The following PDRG1 variants were observed in gnomAD, a reference collection of about 807,000 sequenced individuals.
PDRG1 encodes the protein p53 and DNA damage-regulated protein 1.
Under a neutral mutation model 18.4 loss-of-function variants are expected in PDRG1, and 14 were observed. The ratio of observed to expected loss-of-function variants is 0.76; its 90% confidence interval spans 0.50 to 1.19. The LOEUF (loss-of-function observed/expected upper bound fraction) is 1.19, where lower values mean the gene tolerates loss of function less well. PDRG1 is among the 50% of genes most tolerant of loss of function. The pLI is 0.00. For synonymous variants in PDRG1, 65 were observed against 60.9 expected (o/e 1.07, Z -0.31); for missense variants, 177 against 160.1 (o/e 1.11, Z -0.57).
In PDRG1 at chr20:31,952,046, T is replaced by A. The variant is rs958361530; in HGVS notation, c.-85A>T. 2.7e-6 allele frequency: 4 copies of A among 1,455,956 alleles called. No homozygotes were observed. The highest frequency in any genetic ancestry group is 3.6e-6 in the Non-Finnish European group (4 of 1,105,184). The allele number at this position is 1,455,956 out of a possible 1,614,324, so 90.2% of individuals were successfully genotyped here. A position where few individuals can be genotyped will look rare whatever the true frequency, so the allele number is the denominator to read the frequency against. ...CGCTGCGCACGCGCCGCTCTCTAGG[T>A]GCTTCCGGCGCGCCTGCGCAGTTAA... On this transcript the variant is annotated 5_prime_UTR_variant, in exon 1 of 5. Coordinates refer to ENST00000202017, the MANE Select transcript of PDRG1 (RefSeq NM_030815.3).
chr20:31,950,341 C>G lies in PDRG1; in HGVS notation c.134G>C (p.Arg45Thr). ...TKRNQNREGL[R>T]ALQKDLSLSE... Reference sequence around the variant, plus strand: ...GAGGCTGAGATCCTTCTGCAGGGCCCTCAGGCCCTCTCGATTCTGATTCCT... The same window carrying G: ...GAGGCTGAGATCCTTCTGCAGGGCCGTCAGGCCCTCTCGATTCTGATTCCT... The change falls in exon 2 of 5, where the codon AGG becomes ACG. Residue 45 changes from arginine (R) to threonine (T), a missense_variant. By Grantham distance (71) the Arg-to-Thr change is moderately conservative. Coordinates refer to ENST00000202017, the MANE Select transcript of PDRG1 (RefSeq NM_030815.3). The G allele has an allele frequency of 1.9e-6, 3 of 1,612,776 alleles. No individual in the cohort carries two copies. Among genetic ancestry groups the G allele is most frequent in the Non-Finnish European group, 2.5e-6 (3 of 1,178,730 alleles).
rs996243241 is a variant in PDRG1, at chr20:31,944,497, C to G, written c.*1310G>C. On this transcript the variant is annotated 3_prime_UTR_variant, in exon 5 of 5. Transcript: ENST00000202017. ...CAGGTGCTGTTCTGAGGGAATCACACTGTGCTTGCACAAAAATTATTAGCT... is the reference window on the plus strand; with the variant it reads ...CAGGTGCTGTTCTGAGGGAATCACAGTGTGCTTGCACAAAAATTATTAGCT... 6.6e-6 allele frequency: 1 copy of G among 152,518 alleles called. No individual in the cohort carries two copies. Among genetic ancestry groups the G allele is most frequent in the Non-Finnish European group, 1.5e-5 (1 of 68,248 alleles). The allele number at this position is 152,518 out of a possible 1,614,324, so 9.4% of individuals were successfully genotyped here. A position where few individuals can be genotyped will look rare whatever the true frequency, so the allele number is the denominator to read the frequency against.
intron 1 of PDRG1, among the ~76,000 whole-genome samples, chr20:31,951,131 C>A (rs566334116): frequency 1.3e-5 from 2 of 152,280 alleles, no homozygotes; most frequent in African/African-American, 4.8e-5. Context: ...GGATCTTGCC[C>A]AAGTTTTCCC....
Position 31,948,872 on chromosome 20 carries a change from C to G in PDRG1, c.174G>C (p.Met58Ile). 1.2e-6 allele frequency: 2 copies of G among 1,613,688 alleles called. No homozygotes were observed. Among genetic ancestry groups the G allele is most frequent in the Non-Finnish European group, 1.7e-6 (2 of 1,179,836 alleles). Residue 58 changes from methionine to isoleucine, a missense_variant, in exon 3 of 5, where the codon ATG (methionine) becomes ATC (isoleucine). Met to Ile is a conservative substitution (Grantham distance 10). Coordinates refer to ENST00000202017, the MANE Select transcript of PDRG1 (RefSeq NM_030815.3). ...QKDLSLSEDVMVCFGNMFIKM... is the reference protein window; with the variant it reads ...QKDLSLSEDVIVCFGNMFIKM... The stretch of plus-strand genomic sequence containing the variant: ...TGATAAACATGTTCCCGAAGCAAAC[C>G]ATCACATCTTCTGAAAGAGCAAATA...
Position 31,945,781 on chromosome 20 carries a change from T to C in PDRG1, c.*26A>G. ...GTCCTCCATGACCCTGGGGGGTTGCTGGTCCCCCATCTTGGTTCTTGAGTC... is the reference window on the plus strand; with the variant it reads ...GTCCTCCATGACCCTGGGGGGTTGCCGGTCCCCCATCTTGGTTCTTGAGTC... On this transcript the variant is annotated 3_prime_UTR_variant, in exon 5 of 5. Coordinates refer to ENST00000202017, the MANE Select transcript of PDRG1 (RefSeq NM_030815.3). 6.3e-7 allele frequency: 1 copy of C among 1,593,972 alleles called. No individual in the cohort carries two copies. Among genetic ancestry groups the C allele is most frequent in the Non-Finnish European group, 8.6e-7 (1 of 1,162,252 alleles).
At chr20:31,948,265 G>C (rs926008112) in intron 3 of PDRG1, among the ~76,000 whole-genome samples, 1 of 152,230 alleles carries the variant, frequency 6.6e-6, no homozygotes. Context: ...TGGCCAATGA[G>C]ATGTTGGCAG....
chr20:31,945,967 T>C, intron 4 of PDRG1, 78 bp from the exon 5 acceptor site: 1 of 1,199,310 alleles, frequency 8.3e-7, no homozygotes. Context: ...GGGCTGACGC[T>C]GCACTAATGC....
chr20:31,945,945 G>C (rs921989168), intron 4 of PDRG1, 56 bp from the exon 5 acceptor site: 2 of 1,483,694 alleles, frequency 1.3e-6, no homozygotes, highest in Non-Finnish European at 1.9e-6. Flanking sequence ...TCTGGAGCCA[G>C]GCCCAGGAAA....
rs1292127188 is a variant in PDRG1 at position 31,944,597 on chromosome 20, T to G, written c.*1210A>C. 6.6e-6 allele frequency: 1 copy of G among 152,232 alleles called. No individual in the cohort carries two copies. The highest frequency in any genetic ancestry group is 1.5e-5 in the Non-Finnish European group (1 of 68,066). The allele number at this position is 152,232 out of a possible 1,614,324, so 9.4% of individuals were successfully genotyped here. On this transcript the variant is annotated 3_prime_UTR_variant, in exon 5 of 5. Transcript: ENST00000202017. ...GCTTGTTCCTTATTCTTGATTATAG[T>G]TGTATGGTATTGCACTATCTGGAGC...
chr20:31,946,611 T>G, intron 3 of PDRG1, 35 bp from the exon 4 acceptor site: 1 of 1,555,870 alleles, frequency 6.4e-7, no homozygotes, highest in South Asian at 1.1e-5. Context: ...GAGGATAAGA[T>G]TGTACCAGAC....
At position 31,946,504 on chromosome 20, in the gene PDRG1, T is replaced by C. The variant is rs1276193585; in HGVS notation, c.311A>G (p.Glu104Gly). The change falls in exon 4 of 5, where the codon GAG (glutamate) becomes GGG (glycine). Residue 104 changes from glutamate (E) to glycine (G), a missense_variant. Physicochemically the swap from Glu to Gly is moderately conservative, Grantham distance 98 (BLOSUM62 -2). Transcript: ENST00000202017. ...QLKVKVNRLF[E>G]AQGKPELKGF... ...CCCTGCTAAGCCAATACCTTGGGCC[T>C]CAAAAAGGCGGTTGACCTTCACTTT... 1 of 1,608,750 alleles carries C rather than the reference T, an allele frequency of 6.2e-7. No individual in the cohort carries two copies.
chr20:31,944,513 A>G lies in PDRG1; in HGVS notation c.*1294T>C, dbSNP rs1173960859. 2 of 152,358 alleles carry G rather than the reference A, an allele frequency of 1.3e-5. No homozygotes were observed. Among genetic ancestry groups the G allele is most frequent in the Non-Finnish European group, 2.9e-5 (2 of 68,180 alleles). 9.4% of individuals were successfully genotyped at this position (152,358 alleles called of 1,614,324 possible). ...GGAATCACACTGTGCTTGCACAAAA[A>G]TTATTAGCTTATAAGACACCAGCCT... On this transcript the variant is annotated 3_prime_UTR_variant, in exon 5 of 5. Transcript: ENST00000202017.
At chr20:31,951,610 T>C (rs909341815) in intron 1 of PDRG1, among the ~76,000 whole-genome samples, 29 of 129,574 alleles carry the variant, frequency 2.2e-4, no homozygotes, top group Non-Finnish European at 3.7e-4. Flanking sequence ...GGCCGGGAAG[T>C]GCATTTTGAA....
In PDRG1 at chr20:31,945,712, G is replaced by T; in HGVS notation, c.*95C>A. The T allele has an allele frequency of 6.0e-6, 6 of 1,001,390 alleles. No homozygotes were observed. In the South Asian group the frequency reaches 7.5e-5, roughly 13 times the overall value. 62.0% of individuals were successfully genotyped at this position (1,001,390 alleles called of 1,614,324 possible). A position where few individuals can be genotyped will look rare whatever the true frequency, so the allele number is the denominator to read the frequency against. On this transcript the variant is annotated 3_prime_UTR_variant, in exon 5 of 5. Transcript: ENST00000202017. ...GATTCCTGACGGCTGGCCCCTTACA[G>T]GGCAGATCCTGTCCTTACAGGTGTC...
Position 31,948,870 on chromosome 20 carries a change from ACCATCACATCTTCTG to A in PDRG1, c.164-3_175del. 1 of 1,613,796 alleles carries A rather than the reference ACCATCACATCTTCTG, an allele frequency of 6.2e-7. No individual in the cohort carries two copies. Among genetic ancestry groups the A allele is most frequent in the South Asian group, 1.1e-5 (1 of 90,966 alleles). On this transcript the variant is annotated splice_acceptor_variant and splice_polypyrimidine_tract_variant and coding_sequence_variant and intron_variant, in exon 3 of 5. Transcript: ENST00000202017. LOFTEE classifies it high-confidence loss of function. ...CTTGATAAACATGTTCCCGAAGCAA[ACCATCACATCTTCTG>A]AAAGAGCAAATAGTAATTCCTTCAA...
At position 31,951,079 on chromosome 20, in the gene PDRG1, T is replaced by C. The variant is rs137978275; in HGVS notation, c.88-692A>G. On this transcript the variant is annotated intron_variant, in intron 1 of 4. Transcript: ENST00000202017. ...GTAGCTGATAAACTTTAACTGCTCT[T>C]ATTCTCATCCAGCACACCCTGATCC... 1.4e-3 allele frequency among the ~76,000 whole-genome samples: 216 copies of C among 152,350 alleles called. 2 individuals are homozygous for C. In the East Asian group the frequency reaches 0.04, roughly 28 times the overall value.
At position 31,945,828 on chromosome 20, in the gene PDRG1, G is replaced by A; in HGVS notation, c.381C>T (p.Leu127=). 6.2e-7 allele frequency: 1 copy of A among 1,613,918 alleles called. No homozygotes were observed. The highest frequency in any genetic ancestry group is 8.5e-7 in the Non-Finnish European group (1 of 1,179,906). ...AGTCTCATCCTTTCAAGATGACCTTGAGAGCTTTAAGCTCATCCTGGTTGA... is the reference window on the plus strand; with the variant it reads ...AGTCTCATCCTTTCAAGATGACCTTAAGAGCTTTAAGCTCATCCTGGTTGA... ...NPLNQDELKA[L]KVILKG is the part of the protein sequence containing the mutation. Residue 127 remains leucine (L), a synonymous_variant, in exon 5 of 5, where the codon CTC becomes CTT. Transcript: ENST00000202017.
chr20:31,948,972 G>C, intron 2 of PDRG1, 90 bp from the exon 3 acceptor site: 1 of 1,259,492 alleles, frequency 7.9e-7, no homozygotes, highest in South Asian at 1.3e-5. Context: ...CAACAGAGCA[G>C]AACAAGAAAA....
In PDRG1 at chr20:31,951,964, C is replaced by A; in HGVS notation, c.-3G>T. On this transcript the variant is annotated 5_prime_UTR_variant, in exon 1 of 5. Transcript: ENST00000202017. ...CGCTCTGCCTCGGGTGATAGCATAGCGCCCACCAACTCCGCTTGCGGCTCT... is the reference window on the plus strand; with the variant it reads ...CGCTCTGCCTCGGGTGATAGCATAGAGCCCACCAACTCCGCTTGCGGCTCT... 2.6e-6 allele frequency: 4 copies of A among 1,560,888 alleles called. No individual in the cohort carries two copies. Among genetic ancestry groups the A allele is most frequent in the South Asian group, 1.2e-5 (1 of 84,038 alleles).
Sources: allele counts gnomAD v4.1 joint callset (sites outside exome capture counted in the v4.1 genomes callset), GRCh38; gene constraint gnomAD v4.1.1; transcripts MANE v1.5; gene names NCBI Gene and HGNC (gene_info 2026-07-23, HGNC 2026-07-21).